IL1RAPL2: variants seen among roughly 807,000 people sequenced by gnomAD.
IL1RAPL2 encodes the protein interleukin 1 receptor accessory protein like 2, also known as X-linked interleukin-1 receptor accessory protein-like 2.
Under a neutral mutation model 44.1 loss-of-function variants are expected in IL1RAPL2, and 3 were observed. That is an observed-to-expected ratio of 0.07 (90% CI 0.03 to 0.18). The LOEUF (loss-of-function observed/expected upper bound fraction) is 0.18, where lower values mean the gene tolerates loss of function less well. IL1RAPL2 is among the 10% of genes least tolerant of loss of function. IL1RAPL2 has a pLI of 1.00. For synonymous variants in IL1RAPL2, 181 were observed against 178.8 expected (o/e 1.01, Z -0.10); for missense variants, 391 against 496.4 (o/e 0.79, Z 2.02).
chrX:105,100,081 A>G (rs1457876681), intron 2 of IL1RAPL2, among the ~76,000 whole-genome samples: 1 of 112,099 alleles, frequency 8.9e-6, no homozygotes, highest in African/African-American at 3.2e-5. Flanking sequence ...CTTTTATTAC[A>G]GTATATTGTT....
chrX:104,668,843 T>C (rs747670697), intron 2 of IL1RAPL2, among the ~76,000 whole-genome samples: 6 of 110,466 alleles, frequency 5.4e-5, no homozygotes, highest in Admixed American at 9.7e-5. Context: ...ATAGTCACCA[T>C]AGTGTGATTG....
chrX:105,025,688 T>A (rs866041586), intron 2 of IL1RAPL2, among the ~76,000 whole-genome samples: 7 of 111,545 alleles, frequency 6.3e-5, no homozygotes, highest in African/African-American at 2.3e-4. Flanking sequence ...TGTGTTCATA[T>A]ATTATTTATA....
intron 5 of IL1RAPL2, among the ~76,000 whole-genome samples, chrX:105,478,554 T>TAA (rs201176266): frequency 9.1e-6 from 1 of 109,474 alleles, no homozygotes; most frequent in Admixed American, 9.8e-5. Flanking sequence ...GAAAACATAT[T>TAA]AAAAAAAAAC....
chrX:105,194,235 A>C (rs2033656340), intron 2 of IL1RAPL2, among the ~76,000 whole-genome samples: 1 of 111,973 alleles, frequency 8.9e-6, no homozygotes, highest in South Asian at 3.7e-4. Flanking sequence ...GCTTCCTGTC[A>C]ACTGAAGTTA....
intron 2 of IL1RAPL2, among the ~76,000 whole-genome samples, chrX:105,102,998 G>A (rs1045266252): frequency 9.0e-6 from 1 of 111,563 alleles, no homozygotes; most frequent in Admixed American, 9.5e-5. Context: ...GTTTTTGGGG[G>A]TGGAGAAATT....
At chrX:104,664,484 G>T (rs1329681623) in intron 2 of IL1RAPL2, among the ~76,000 whole-genome samples, 1 of 111,316 alleles carries the variant, frequency 9.0e-6, no homozygotes, top group East Asian at 2.8e-4. Context: ...TTGATTGTGG[G>T]GCTCACACCA....
At chrX:105,051,630 G>C (rs1233935308) in intron 2 of IL1RAPL2, among the ~76,000 whole-genome samples, 1 of 112,988 alleles carries the variant, frequency 8.9e-6, no homozygotes, top group African/African-American at 3.2e-5. Flanking sequence ...CCACGGTTTG[G>C]GCGACTGCCC....
chrX:105,284,102 T>C (rs1185961225), intron 5 of IL1RAPL2, among the ~76,000 whole-genome samples: 1 of 111,915 alleles, frequency 8.9e-6, no homozygotes, highest in Non-Finnish European at 1.9e-5. Flanking sequence ...ATTTATGATA[T>C]GTGCTGGGTG....
intron 2 of IL1RAPL2, among the ~76,000 whole-genome samples, chrX:104,687,250 C>T (rs1013472627): frequency 1.5e-4 from 17 of 111,755 alleles, no homozygotes; most frequent in African/African-American, 4.9e-4. Context: ...TTCTGGAGGG[C>T]GTTCAGGAAG....
chrX:105,631,359 C>T (rs758495165), intron 6 of IL1RAPL2, among the ~76,000 whole-genome samples: 38 of 111,538 alleles, frequency 3.4e-4, no homozygotes, highest in African/African-American at 1.1e-3. Flanking sequence ...CACTAATTGC[C>T]GAGAATTCAG....
At chrX:104,678,463 G>A (rs1297067711) in intron 2 of IL1RAPL2, among the ~76,000 whole-genome samples, 1 of 111,624 alleles carries the variant, frequency 9.0e-6, no homozygotes, top group Non-Finnish European at 1.9e-5. Flanking sequence ...GCTTCTATTG[G>A]CTACGTCTAA....
At chrX:105,175,678 T>TA (rs994612614) in intron 2 of IL1RAPL2, among the ~76,000 whole-genome samples, 127 of 107,149 alleles carry the variant, frequency 1.2e-3, no homozygotes, top group African/African-American at 4.0e-3. Flanking sequence ...TGGTTTTTTT[T>TA]AAAAAAATAC....
chrX:105,226,810 A>G (rs929090894), intron 3 of IL1RAPL2, among the ~76,000 whole-genome samples: 1 of 110,280 alleles, frequency 9.1e-6, no homozygotes, highest in African/African-American at 3.3e-5. Context: ...CACCCATGCA[A>G]AGATCCATAG....
At chrX:105,314,326 A>T (rs2034820097) in intron 5 of IL1RAPL2, among the ~76,000 whole-genome samples, 1 of 109,795 alleles carries the variant, frequency 9.1e-6, no homozygotes, top group Admixed American at 9.8e-5. Flanking sequence ...TTGGTAGTGA[A>T]CTTACCCTCT....
intron 2 of IL1RAPL2, among the ~76,000 whole-genome samples, chrX:104,790,257 A>C (rs1383607058): frequency 8.9e-6 from 1 of 112,034 alleles, no homozygotes; most frequent in Non-Finnish European, 1.9e-5. Flanking sequence ...GGGAAGAAAA[A>C]GATGGATGCT....
intron 2 of IL1RAPL2, among the ~76,000 whole-genome samples, chrX:105,070,739 G>A (rs1452089533): frequency 6.4e-5 from 7 of 109,985 alleles, no homozygotes; most frequent in Non-Finnish European, 1.1e-4. Flanking sequence ...ATGTGTGTGT[G>A]TGTGTGTGTG....
chrX:105,126,571 A>G (rs111281620), intron 2 of IL1RAPL2, among the ~76,000 whole-genome samples: 23 of 111,546 alleles, frequency 2.1e-4, no homozygotes, highest in African/African-American at 7.1e-4. Context: ...CTGAATTCTT[A>G]TAAGTTCCAA....
At chrX:105,699,568 C>A (rs957648528) in intron 6 of IL1RAPL2, among the ~76,000 whole-genome samples, 5 of 111,491 alleles carry the variant, frequency 4.5e-5, no homozygotes, top group African/African-American at 1.3e-4. Flanking sequence ...CAGTTAAATT[C>A]TCTTTCTTTG....
intron 6 of IL1RAPL2, among the ~76,000 whole-genome samples, chrX:105,638,728 GA>G (rs1394699757): frequency 1.8e-5 from 2 of 112,187 alleles, no homozygotes; most frequent in Non-Finnish European, 3.8e-5. Context: ...AAAAATGAAA[GA>G]ATTTCAGTTT....
Sources: allele counts gnomAD v4.1 joint callset (sites outside exome capture counted in the v4.1 genomes callset), GRCh38; gene constraint gnomAD v4.1.1; transcripts MANE v1.5; gene names NCBI Gene and HGNC (gene_info 2026-07-23, HGNC 2026-07-21).